TRMT11: variants seen among roughly 807,000 people sequenced by gnomAD.
The protein encoded by TRMT11 is tRNA (guanine(10)-N(2))-methyltransferase TRMT11.
A neutral mutation model predicts 62.8 loss-of-function variants in TRMT11; 53 were observed. That is an observed-to-expected ratio of 0.84 (90% CI 0.68 to 1.06). The LOEUF is 1.06. TRMT11 is among the 50% of genes least tolerant of loss of function. TRMT11 has a pLI of 0.00. For synonymous variants in TRMT11, 188 were observed against 190.3 expected (o/e 0.99, Z 0.10); for missense variants, 556 against 553.4 (o/e 1.00, Z -0.05).
At chr6:126,016,027 G>A (rs1255103837) in intron 11 of TRMT11, among the ~76,000 whole-genome samples, 1 of 152,038 alleles carries the variant, frequency 6.6e-6, no homozygotes, top group Non-Finnish European at 1.5e-5. Context: ...TCTCCTCTCT[G>A]AATCATCATT....
intron 12 of TRMT11, among the ~76,000 whole-genome samples, chr6:126,033,394 C>T (rs1332143590): frequency 3.9e-5 from 6 of 152,034 alleles, no homozygotes; most frequent in East Asian, 3.9e-4. Context: ...TGGCTGAAAT[C>T]GCTTTAGCAT....
At chr6:126,077,753 T>G (rs2128151345) in intron 17 of TRMT11, among the ~76,000 whole-genome samples, 1 of 152,330 alleles carries the variant, frequency 6.6e-6, no homozygotes, top group South Asian at 2.1e-4. Flanking sequence ...TCTACCTTTT[T>G]CACAACCTAG....
intron 1 of TRMT11, among the ~76,000 whole-genome samples, chr6:125,988,097 G>A (rs1789970497): frequency 6.6e-6 from 1 of 152,214 alleles, no homozygotes; most frequent in South Asian, 2.1e-4. Context: ...AGAAGGATGT[G>A]AGACCGCAGA....
chr6:126,065,480 A>G lies in TRMT11; in HGVS notation c.*1437+12290A>G, dbSNP rs551425824. The stretch of plus-strand genomic sequence containing the variant: ...TTCAAACTTCAAAACCTTATAACCT[A>G]CACTTTAATTCTGGGGAACTGCTGG... On this transcript the variant is annotated intron_variant and NMD_transcript_variant, in intron 17 of 22. Transcript: ENST00000648977. Among the ~76,000 whole-genome samples the G allele has an allele frequency of 6.6e-5, 10 of 152,230 alleles. 1 individual carries two copies. In the South Asian group the frequency reaches 1.9e-3, roughly 28 times the overall value.
intron 21 of TRMT11, among the ~76,000 whole-genome samples, chr6:126,159,361 T>C (rs1422598908): frequency 6.6e-6 from 1 of 152,158 alleles, no homozygotes; most frequent in Admixed American, 6.6e-5. Flanking sequence ...CAGCTGTTAT[T>C]GTGCAAAACT....
At chr6:126,238,592 C>T in the TRMT11 span, among the ~76,000 whole-genome samples, 7 of 152,072 alleles carry the variant, frequency 4.6e-5, no homozygotes, top group African/African-American at 1.7e-4. Context: ...GTTATAATTT[C>T]TGTTCTTTTA....
intron 7 of TRMT11, among the ~76,000 whole-genome samples, chr6:126,002,212 G>A (rs1021759167): frequency 2.6e-5 from 4 of 152,172 alleles, no homozygotes; most frequent in Non-Finnish European, 5.9e-5. Flanking sequence ...ATGCATGTAA[G>A]TGCATGTGCA....
chr6:126,158,122 G>A (rs532991274), intron 21 of TRMT11, among the ~76,000 whole-genome samples: 1 of 152,204 alleles, frequency 6.6e-6, no homozygotes, highest in South Asian at 2.1e-4. Context: ...CCTTGTATGT[G>A]TGTGTATGTT....
chr6:126,004,728 A>AGG (rs1793087824), intron 7 of TRMT11, among the ~76,000 whole-genome samples: 1 of 152,118 alleles, frequency 6.6e-6, no homozygotes, highest in South Asian at 2.1e-4. Flanking sequence ...AAAGGTACAA[A>AGG]ATTGAAATGT....
At chr6:125,991,635 A>C (rs1214673925) in intron 1 of TRMT11, among the ~76,000 whole-genome samples, 3 of 152,030 alleles carry the variant, frequency 2.0e-5, no homozygotes, top group Non-Finnish European at 4.4e-5. Context: ...GTGATATAGA[A>C]TCTCTTCTGG....
chr6:126,205,762 A>G (rs1473025083), downstream of TRMT11, among the ~76,000 whole-genome samples: 1 of 152,014 alleles, frequency 6.6e-6, no homozygotes, highest in Non-Finnish European at 1.5e-5. Flanking sequence ...GAGGAGTTGA[A>G]GGAAAAATTG....
intron 21 of TRMT11, among the ~76,000 whole-genome samples, chr6:126,141,882 T>C (rs1777920777): frequency 6.6e-6 from 1 of 152,088 alleles, no homozygotes; most frequent in Non-Finnish European, 1.5e-5. Flanking sequence ...AGACTTTGTC[T>C]CAACTGTCCT....
chr6:126,110,944 A>G (rs1262696325), intron 17 of TRMT11, among the ~76,000 whole-genome samples: 2 of 152,160 alleles, frequency 1.3e-5, no homozygotes, highest in Non-Finnish European at 2.9e-5. Context: ...GAATACTTCC[A>G]AAACAGAAAT....
chr6:126,226,351 G>C, the TRMT11 span, among the ~76,000 whole-genome samples: 3 of 152,238 alleles, frequency 2.0e-5, no homozygotes, highest in South Asian at 6.2e-4. Flanking sequence ...GCAAGAAGCT[G>C]TATAGACCTT....
intron 17 of TRMT11, among the ~76,000 whole-genome samples, chr6:126,067,951 T>G (rs1003843216): frequency 3.3e-5 from 5 of 152,200 alleles, no homozygotes; most frequent in African/African-American, 1.2e-4. Flanking sequence ...TGCCATACAA[T>G]TCACGCATTT....
intron 21 of TRMT11, among the ~76,000 whole-genome samples, chr6:126,164,710 T>A (rs986216857): frequency 6.6e-6 from 1 of 152,236 alleles, no homozygotes; most frequent in African/African-American, 2.4e-5. Flanking sequence ...GTTGCATTGA[T>A]CCCTTTATCA....
chr6:126,244,413 T>G, the TRMT11 span, among the ~76,000 whole-genome samples: 1 of 152,198 alleles, frequency 6.6e-6, no homozygotes, highest in South Asian at 2.1e-4. Flanking sequence ...CCTTTCACTT[T>G]TACCTTTCCT....
intron 21 of TRMT11, among the ~76,000 whole-genome samples, chr6:126,157,078 C>T (rs1778130497): frequency 6.6e-6 from 1 of 152,130 alleles, no homozygotes; most frequent in Non-Finnish European, 1.5e-5. Context: ...CAACAATGGT[C>T]CCTCAGATGC....
intron 17 of TRMT11, among the ~76,000 whole-genome samples, chr6:126,063,997 C>A (rs1302457478): frequency 6.6e-6 from 1 of 152,088 alleles, no homozygotes. Flanking sequence ...GTTGCTGTGT[C>A]CTGCAATATG....
Sources: gnomAD v4.1 joint callset for allele counts (sites outside exome capture counted in the v4.1 genomes callset) on GRCh38, gnomAD v4.1.1 for gene constraint, MANE v1.5 for transcripts, NCBI Gene and HGNC (gene_info 2026-07-23, HGNC 2026-07-21) for gene names.